OR11A1: variants seen among roughly 807,000 people sequenced by gnomAD.
The protein encoded by OR11A1 is olfactory receptor 11A1.
For missense variants in OR11A1, 380 were observed against 378.2 expected (o/e 1.00, Z -0.04); for synonymous variants, 158 against 152.2 (o/e 1.04, Z -0.28).
At chr6:29,449,935 C>A (rs1353485217) in intron 1 of OR11A1, among the ~76,000 whole-genome samples, 1 of 152,182 alleles carries the variant, frequency 6.6e-6, no homozygotes, top group East Asian at 1.9e-4. Flanking sequence ...CCGTGCCCGG[C>A]CCAAATGACC....
chr6:29,439,087 A>G (rs1051476196), intron 1 of OR11A1, among the ~76,000 whole-genome samples: 1 of 152,174 alleles, frequency 6.6e-6, no homozygotes, highest in Non-Finnish European at 1.5e-5. Flanking sequence ...TTTTATGTTC[A>G]GTGTATTTAG....
At chr6:29,450,148 A>T (rs570864820) in intron 1 of OR11A1, 24 of 152,338 alleles carry the variant, frequency 1.6e-4, no homozygotes, top group Non-Finnish European at 2.4e-4. Context: ...AGAGGAAAAA[A>T]AACACAACAA....
chr6:29,427,356 CCA>C lies in OR11A1; in HGVS notation c.284_285del (p.Val95GlyfsTer17). On this transcript the variant is annotated frameshift_variant, in exon 5 of 5. Coordinates refer to ENST00000377149, the MANE Select transcript of OR11A1 (RefSeq NM_001394828.1). LOFTEE classifies it low-confidence loss of function (END_TRUNC). ...EGFLQEATIS[V>X]AGCLLQFFIF... Reference sequence around the variant, plus strand: ...ATAAAGAACTGGAGCAAGCAACCAGCCACAGAGATAGTTGCTTCTTGCAGGAA... The same window carrying C: ...ATAAAGAACTGGAGCAAGCAACCAGCCAGAGATAGTTGCTTCTTGCAGGAA... The C allele has an allele frequency of 6.2e-7, 1 of 1,613,132 alleles. No homozygotes were observed. The highest frequency in any genetic ancestry group is 8.5e-7 in the Non-Finnish European group (1 of 1,180,044).
intron 1 of OR11A1, chr6:29,450,400 C>T (rs961505270): frequency 1.3e-5 from 2 of 152,182 alleles, no homozygotes; most frequent in Admixed American, 6.5e-5. Flanking sequence ...CTAATTATGT[C>T]CCGGGTATAG....
In OR11A1 at chr6:29,425,728, G is replaced by A. The variant is rs1299472078; in HGVS notation, c.*966C>T. 1 of 152,130 alleles carries A rather than the reference G, an allele frequency of 6.6e-6. No individual in the cohort carries two copies. Among genetic ancestry groups the A allele is most frequent in the Non-Finnish European group, 1.5e-5 (1 of 68,012 alleles). 9.4% of individuals were successfully genotyped at this position (152,130 alleles called of 1,614,324 possible). ...GATGGTGGCTACATGGAGTACATGG[G>A]GGTTCACTGTGCTCTTCTCTTTTAT... On this transcript the variant is annotated 3_prime_UTR_variant, in exon 5 of 5. Coordinates refer to ENST00000377149, the MANE Select transcript of OR11A1 (RefSeq NM_001394828.1).
intron 4 of OR11A1, chr6:29,428,359 C>G: frequency 1.0e-6 from 1 of 985,538 alleles, no homozygotes; most frequent in Non-Finnish European, 1.2e-6. Flanking sequence ...CAGAGAAGGA[C>G]CAAACCCAGC....
intron 1 of OR11A1, among the ~76,000 whole-genome samples, chr6:29,444,090 G>T (rs1784480241): frequency 6.6e-6 from 1 of 152,102 alleles, no homozygotes; most frequent in Admixed American, 6.6e-5. Flanking sequence ...ATGTGTTGTG[G>T]GAGGGACCTG....
intron 1 of OR11A1, among the ~76,000 whole-genome samples, chr6:29,456,459 G>A (rs1021059214): frequency 3.3e-5 from 5 of 151,364 alleles, no homozygotes; most frequent in African/African-American, 9.7e-5. Context: ...TCAGTGAGCC[G>A]AGATCGCGCC....
At chr6:29,427,991 T>G (rs747305121) in intron 4 of OR11A1, among the ~76,000 whole-genome samples, 5 of 152,180 alleles carry the variant, frequency 3.3e-5, no homozygotes, top group Non-Finnish European at 7.4e-5. Context: ...CTTATCTGTA[T>G]AGTCAGCCAT....
intron 1 of OR11A1, 34 bp downstream of exon 1, chr6:29,456,953 C>T (rs1786409869): frequency 6.6e-6 from 1 of 152,092 alleles, no homozygotes; most frequent in Admixed American, 6.5e-5. Context: ...GATTGTATTT[C>T]TAAGATTTGG....
rs1348913596 is a variant in OR11A1, at chr6:29,426,425, G to A, written c.*269C>T. On this transcript the variant is annotated 3_prime_UTR_variant, in exon 5 of 5. Transcript: ENST00000377149. The stretch of plus-strand genomic sequence containing the variant: ...GAAGATCAGGAAAAATGATTAATGA[G>A]TACTAGGCTTAATACCTGGGTGATG... 2.3e-6 allele frequency: 1 copy of A among 434,808 alleles called. No homozygotes were observed. 26.9% of individuals were successfully genotyped at this position (434,808 alleles called of 1,614,324 possible). A position where few individuals can be genotyped will look rare whatever the true frequency, so the allele number is the denominator to read the frequency against.
intron 2 of OR11A1, among the ~76,000 whole-genome samples, chr6:29,431,214 A>G (rs540237051): frequency 6.6e-6 from 1 of 152,196 alleles, no homozygotes; most frequent in African/African-American, 2.4e-5. Flanking sequence ...TATATACAAA[A>G]CTGTACATTT....
At chr6:29,444,678 A>G (rs1784549217) in intron 1 of OR11A1, among the ~76,000 whole-genome samples, 1 of 152,182 alleles carries the variant, frequency 6.6e-6, no homozygotes, top group Non-Finnish European at 1.5e-5. Flanking sequence ...CTTGAACTAC[A>G]TTAATCCTGG....
In OR11A1 at chr6:29,426,991, T is replaced by C; in HGVS notation, c.651A>G (p.Thr217=). 6.2e-7 allele frequency: 1 copy of C among 1,612,874 alleles called. No individual in the cohort carries two copies. The change falls in exon 5 of 5, where the codon ACA becomes ACG. Residue 217 remains threonine, a synonymous_variant. Coordinates refer to ENST00000377149, the MANE Select transcript of OR11A1 (RefSeq NM_001394828.1). The stretch of plus-strand genomic sequence containing the variant: ...CTGCCACCACAATTCTGGCATAAGA[T>C]GTCAGAATCAGTCCAAAAGGAATAG... ...CLTIPFGLIL[T]SYARIVVAVL... is the part of the protein sequence containing the mutation.
chr6:29,428,496 C>T (rs1000636481), intron 4 of OR11A1: 1 of 652,392 alleles, frequency 1.5e-6, no homozygotes. Context: ...TGGCTCACGC[C>T]TGTAATCCCA....
At chr6:29,454,407 T>C (rs542960430) in intron 1 of OR11A1, among the ~76,000 whole-genome samples, 41 of 152,184 alleles carry the variant, frequency 2.7e-4, no homozygotes, top group African/African-American at 9.4e-4. Flanking sequence ...ATTAAGAACA[T>C]GAAATTAAAC....
Position 29,426,937 on chromosome 6 carries a change from C to T in OR11A1, c.705G>A (p.Arg235=). 1.2e-6 allele frequency: 2 copies of T among 1,613,074 alleles called. No homozygotes were observed. The highest frequency in any genetic ancestry group is 1.7e-6 in the Non-Finnish European group (2 of 1,180,018). The change falls in exon 5 of 5, where the codon AGG becomes AGA. Residue 235 remains arginine (R), a synonymous_variant. Transcript: ENST00000377149. ...AGGAGCATGTGGAGAAAGCCCTTCT[C>T]CTGCTTGCCCCAGCAGGAACTCTCA... ...AVLRVPAGAS[R]RRAFSTCSSH...
intron 3 of OR11A1, 90 bp from the exon 4 acceptor site, chr6:29,429,050 A>G (rs1320185938): frequency 4.9e-6 from 1 of 202,572 alleles, no homozygotes; most frequent in African/African-American, 2.4e-5. Flanking sequence ...ATAAATATAA[A>G]TACATAATAC....
chr6:29,430,947 A>G (rs1432865158), intron 2 of OR11A1, among the ~76,000 whole-genome samples: 1 of 152,192 alleles, frequency 6.6e-6, no homozygotes, highest in African/African-American at 2.4e-5. Context: ...ACTCCAAGGA[A>G]TAGAGCTGAA....
Sources: gnomAD v4.1 joint callset for allele counts (sites outside exome capture counted in the v4.1 genomes callset) on GRCh38, gnomAD v4.1.1 for gene constraint, MANE v1.5 for transcripts, NCBI Gene and HGNC (gene_info 2026-07-23, HGNC 2026-07-21) for gene names.